The following ARFIP1 variants were observed in gnomAD, a reference collection of about 807,000 sequenced individuals.
The protein encoded by ARFIP1 is ARF interacting protein 1, also known as arfaptin-1.
Under a neutral mutation model 42.5 loss-of-function variants are expected in ARFIP1, and 24 were observed. The ratio of observed to expected loss-of-function variants is 0.57; its 90% confidence interval spans 0.41 to 0.80. The LOEUF (loss-of-function observed/expected upper bound fraction) is 0.80. ARFIP1 is among the 30% of genes least tolerant of loss of function. ARFIP1 has a pLI of 0.00. For missense variants in ARFIP1, 354 were observed against 434.0 expected, an observed-to-expected ratio of 0.82 and a Z score of 1.64; for synonymous variants, 141 against 153.7, an observed-to-expected ratio of 0.92 and a Z score of 0.61.
intron 2 of ARFIP1, among the ~76,000 whole-genome samples, chr4:152,833,939 G>A (rs1223305794): frequency 1.3e-5 from 2 of 152,166 alleles, no homozygotes; most frequent in Non-Finnish European, 2.9e-5. Context: ...GAAGAATTTT[G>A]TTTTGGCTCA....
intron 1 of ARFIP1, among the ~76,000 whole-genome samples, chr4:152,818,138 A>G (rs2149837523): frequency 6.6e-6 from 1 of 152,240 alleles, no homozygotes; most frequent in East Asian, 1.9e-4. Flanking sequence ...GAAAAACAAA[A>G]TAGTGTGTAG....
At chr4:152,826,125 G>T (rs946342744) in intron 1 of ARFIP1, among the ~76,000 whole-genome samples, 1 of 152,082 alleles carries the variant, frequency 6.6e-6, no homozygotes, top group Non-Finnish European at 1.5e-5. Flanking sequence ...CCCACTACTG[G>T]GTATCTACCC....
chr4:152,887,687 ATTT>A (rs767046482), intron 7 of ARFIP1, among the ~76,000 whole-genome samples: 20 of 152,200 alleles, frequency 1.3e-4, no homozygotes, highest in Admixed American at 2.6e-4. Flanking sequence ...CTCACATTAC[ATTT>A]TTGTTGTGCA....
intron 2 of ARFIP1, among the ~76,000 whole-genome samples, chr4:152,845,429 G>A (rs1732458628): frequency 6.6e-6 from 1 of 152,054 alleles, no homozygotes. Context: ...CTACAGAATG[G>A]GAGAAAATAT....
chr4:152,858,348 ACTTC>A lies in ARFIP1; in HGVS notation c.94-5247_94-5244del, dbSNP rs1280827033. ...ATTTATGTTCCATAGCTCAGGCAGT[ACTTC>A]CTTCCTTCCTATTTTGTTTTTTATG... On this transcript the variant is annotated intron_variant, in intron 2 of 8. Transcript: ENST00000353617. 5.9e-5 allele frequency among the ~76,000 whole-genome samples: 9 copies of A among 151,968 alleles called. 1 individual carries two copies. The South Asian group carries it at 1.5e-3, about 25-fold the overall frequency.
chr4:152,874,318 G>A (rs1735142999), intron 5 of ARFIP1, among the ~76,000 whole-genome samples: 1 of 152,162 alleles, frequency 6.6e-6, no homozygotes, highest in Non-Finnish European at 1.5e-5. Context: ...ACTATGTGAA[G>A]GAGGCATTAT....
chr4:152,899,599 A>T (rs940205592), intron 8 of ARFIP1, among the ~76,000 whole-genome samples: 7 of 152,160 alleles, frequency 4.6e-5, no homozygotes, highest in Admixed American at 2.6e-4. Flanking sequence ...TTCTCTGCCA[A>T]CTTGAAAGTG....
intron 2 of ARFIP1, among the ~76,000 whole-genome samples, chr4:152,833,158 T>C (rs1277777437): frequency 6.6e-6 from 1 of 151,288 alleles, no homozygotes; most frequent in Non-Finnish European, 1.5e-5. Flanking sequence ...AAAGTGTTAA[T>C]ATCCAAAATA....
chr4:152,896,749 TA>T (rs779691185), intron 8 of ARFIP1, among the ~76,000 whole-genome samples: 304 of 143,596 alleles, frequency 2.1e-3, no homozygotes, highest in East Asian at 3.0e-3. Context: ...TTAAGTTAGC[TA>T]AAAAAAAAAA....
chr4:152,835,048 G>A (rs1731542065), intron 2 of ARFIP1, among the ~76,000 whole-genome samples: 1 of 152,194 alleles, frequency 6.6e-6, no homozygotes. Flanking sequence ...CTTGTGATAG[G>A]AGGGGCTGTC....
chr4:152,815,665 C>G (rs1729811546), intron 1 of ARFIP1, among the ~76,000 whole-genome samples: 1 of 151,808 alleles, frequency 6.6e-6, no homozygotes, highest in Non-Finnish European at 1.5e-5. Context: ...TCTCATTTTT[C>G]CTTATCTCAC....
chr4:152,816,584 C>G (rs1485327457), intron 1 of ARFIP1, among the ~76,000 whole-genome samples: 2 of 152,232 alleles, frequency 1.3e-5, no homozygotes, highest in Non-Finnish European at 2.9e-5. Context: ...TATACACATA[C>G]ATGACCATGA....
intron 5 of ARFIP1, among the ~76,000 whole-genome samples, chr4:152,876,397 C>A (rs1328401024): frequency 6.6e-6 from 1 of 152,142 alleles, no homozygotes; most frequent in African/African-American, 2.4e-5. Flanking sequence ...TTTGCCCCTA[C>A]CCTAGAGATT....
At chr4:152,826,126 G>C (rs13123769) in intron 1 of ARFIP1, among the ~76,000 whole-genome samples, 22 of 152,126 alleles carry the variant, frequency 1.4e-4, no homozygotes, top group Non-Finnish European at 3.1e-4. Flanking sequence ...CCACTACTGG[G>C]TATCTACCCA....
At chr4:152,789,233 G>C (rs1731004623) in intron 1 of ARFIP1, among the ~76,000 whole-genome samples, 2 of 151,694 alleles carry the variant, frequency 1.3e-5, no homozygotes, top group Admixed American at 6.6e-5. Context: ...TGGGTCTACA[G>C]GTACATGCCA....
At chr4:152,814,258 T>G (rs1729702096) in intron 1 of ARFIP1, among the ~76,000 whole-genome samples, 1 of 152,070 alleles carries the variant, frequency 6.6e-6, no homozygotes, top group Non-Finnish European at 1.5e-5. Context: ...GCCTAGCTAA[T>G]GTTTTTTGTA....
At position 152,829,733 on chromosome 4, in the gene ARFIP1, A is replaced by C; in HGVS notation, c.93+7A>C. ...TGAACATAGCTTTAATAGGGTAAGA[A>C]CACTTTTCTTTCTCTTAATGCAAAG... is the stretch of plus-strand genomic sequence containing the variant. On this transcript the variant is annotated splice_region_variant and intron_variant, in intron 2 of 8. Transcript: ENST00000353617. 1.3e-6 allele frequency: 2 copies of C among 1,575,458 alleles called. No individual in the cohort carries two copies. The highest frequency in any genetic ancestry group is 1.7e-6 in the Non-Finnish European group (2 of 1,157,786).
chr4:152,850,069 C>T (rs886519534), intron 2 of ARFIP1, among the ~76,000 whole-genome samples: 7 of 152,178 alleles, frequency 4.6e-5, no homozygotes, highest in South Asian at 2.1e-4. Flanking sequence ...TGCAAGTATA[C>T]GGAGGGAAAA....
intron 1 of ARFIP1, among the ~76,000 whole-genome samples, chr4:152,806,502 C>T (rs955195886): frequency 2.0e-5 from 3 of 152,002 alleles, no homozygotes; most frequent in Non-Finnish European, 4.4e-5. Context: ...GTAATTTTTA[C>T]CTTTTTTTCA....
Sources: gnomAD v4.1 joint callset for allele counts (sites outside exome capture counted in the v4.1 genomes callset) on GRCh38, gnomAD v4.1.1 for gene constraint, MANE v1.5 for transcripts, NCBI Gene and HGNC (gene_info 2026-07-23, HGNC 2026-07-21) for gene names.